The following FLVCR1 variants were observed in gnomAD, a reference collection of about 807,000 sequenced individuals.
The protein encoded by FLVCR1 is choline/ethanolamine transporter FLVCR1.
A neutral mutation model predicts 53.6 loss-of-function variants in FLVCR1; 34 were observed. That is an observed-to-expected ratio of 0.63 (90% CI 0.48 to 0.84). The LOEUF is 0.84. Among genes scored for constraint, FLVCR1 ranks in the 40% least tolerant of loss-of-function variants. The pLI is 0.00. For synonymous variants in FLVCR1, 300 were observed against 286.3 expected (o/e 1.05, Z -0.48); for missense variants, 677 against 696.7 (o/e 0.97, Z 0.32).
rs1359452466 is a variant in FLVCR1, at chr1:212,895,540, GTC to G, written c.*253_*254del. 4 of 488,066 alleles carry G rather than the reference GTC, an allele frequency of 8.2e-6. No individual in the cohort carries two copies. The highest frequency in any genetic ancestry group is 1.9e-5 in the African/African-American group (1 of 51,502). 30.2% of individuals were successfully genotyped at this position (488,066 alleles called of 1,614,324 possible). A position where few individuals can be genotyped will look rare whatever the true frequency, so the allele number is the denominator to read the frequency against. On this transcript the variant is annotated 3_prime_UTR_variant, in exon 10 of 10. Coordinates refer to ENST00000366971, the MANE Select transcript of FLVCR1 (RefSeq NM_014053.4). ...TTATCTAATTAGTATCCGGTTTTTA[GTC>G]TCATATTGTATCTGAAAGTAAGCTT...
At chr1:212,884,097 C>G (rs1198436942) in intron 4 of FLVCR1, among the ~76,000 whole-genome samples, 1 of 151,976 alleles carries the variant, frequency 6.6e-6, no homozygotes, top group Non-Finnish European at 1.5e-5. Flanking sequence ...CACCTGAGGT[C>G]GAGACCAGCC....
Position 212,879,972 on chromosome 1 carries a change from G to A in FLVCR1, c.1025-3399G>A, listed in dbSNP as rs551913654. 8.2e-3 allele frequency among the ~76,000 whole-genome samples: 649 copies of A among 79,616 alleles called. 9 individuals are homozygous for A. Among genetic ancestry groups the A allele is most frequent in the African/African-American group, 0.02 (631 of 31,070 alleles). 52.2% of individuals were successfully genotyped at this position (79,616 alleles called of 152,430 possible). On this transcript the variant is annotated intron_variant, in intron 3 of 9. Coordinates refer to ENST00000366971, the MANE Select transcript of FLVCR1 (RefSeq NM_014053.4). ...CCATACTCTAGGTTCAGATAACATAGTATTTTTTTTTTTTGGCTGTTATAA... is the reference window on the plus strand; with the variant it reads ...CCATACTCTAGGTTCAGATAACATAATATTTTTTTTTTTTGGCTGTTATAA...
intron 3 of FLVCR1, among the ~76,000 whole-genome samples, chr1:212,879,201 T>C (rs1183997106): frequency 1.3e-5 from 2 of 152,204 alleles, no homozygotes; most frequent in Non-Finnish European, 2.9e-5. Context: ...TTAAAGAGTT[T>C]ATTTGTTGAA....
chr1:212,876,997 T>C (rs1664770363), intron 3 of FLVCR1, among the ~76,000 whole-genome samples: 1 of 152,186 alleles, frequency 6.6e-6, no homozygotes, highest in South Asian at 2.1e-4. Context: ...TGCCAGCATC[T>C]GTTGTTTCTT....
rs1665030457 is a variant in FLVCR1, at chr1:212,885,320, G to A, written c.1120G>A (p.Gly374Arg). 2 of 1,613,850 alleles carry A rather than the reference G, an allele frequency of 1.2e-6. No homozygotes were observed. Among genetic ancestry groups the A allele is most frequent in the Admixed American group, 1.7e-5 (1 of 59,978 alleles). ...EGEEVNAGRIGLTLVVAGMVG... is the reference protein window; with the variant it reads ...EGEEVNAGRIRLTLVVAGMVG... ...AGAAGAAGTCAATGCTGGAAGGATTGGGCTAACGCTAGTAGTAGCTGGAAT... is the reference window on the plus strand; with the variant it reads ...AGAAGAAGTCAATGCTGGAAGGATTAGGCTAACGCTAGTAGTAGCTGGAAT... The change falls in exon 5 of 10, where the codon GGG (glycine) becomes AGG (arginine). Residue 374 changes from glycine to arginine, a missense_variant. Physicochemically the swap from Gly to Arg is moderately radical, Grantham distance 125 (BLOSUM62 -2). Coordinates refer to ENST00000366971, the MANE Select transcript of FLVCR1 (RefSeq NM_014053.4).
At chr1:212,878,664 A>G (rs1381807963) in intron 3 of FLVCR1, among the ~76,000 whole-genome samples, 2 of 152,166 alleles carry the variant, frequency 1.3e-5, no homozygotes, top group African/African-American at 2.4e-5. Flanking sequence ...ATATATAGGT[A>G]TTGTATTCCT....
At chr1:212,866,977 A>G (rs1664454159) in intron 2 of FLVCR1, among the ~76,000 whole-genome samples, 1 of 152,238 alleles carries the variant, frequency 6.6e-6, no homozygotes, top group Admixed American at 6.5e-5. Flanking sequence ...CAAACTTTGG[A>G]TTACTTAAAA....
At chr1:212,875,865 A>G (rs988256841) in intron 3 of FLVCR1, among the ~76,000 whole-genome samples, 2 of 150,262 alleles carry the variant, frequency 1.3e-5, no homozygotes, top group African/African-American at 4.9e-5. Context: ...AAAAAACTTG[A>G]CTATACATAA....
Position 212,888,005 on chromosome 1 carries a change from A to C in FLVCR1, c.1307+4A>C, listed in dbSNP as rs1572026843. On this transcript the variant is annotated splice_donor_region_variant and intron_variant, in intron 6 of 9. Coordinates refer to ENST00000366971, the MANE Select transcript of FLVCR1 (RefSeq NM_014053.4). ...TTGTTACTGGAGGGGTGCTTGGGTAAGTATCAGATGTGTTTAGGAGGAATG... is the reference window on the plus strand; with the variant it reads ...TTGTTACTGGAGGGGTGCTTGGGTACGTATCAGATGTGTTTAGGAGGAATG... 11 of 1,470,064 alleles carry C rather than the reference A, an allele frequency of 7.5e-6. No individual in the cohort carries two copies. Among genetic ancestry groups the C allele is most frequent in the Non-Finnish European group, 1.0e-5 (11 of 1,048,876 alleles). 91.1% of individuals were successfully genotyped at this position (1,470,064 alleles called of 1,614,324 possible).
In FLVCR1 at chr1:212,859,152, G is replaced by C; in HGVS notation, c.700G>C (p.Val234Leu). 1.2e-6 allele frequency: 2 copies of C among 1,614,012 alleles called. No individual in the cohort carries two copies. The highest frequency in any genetic ancestry group is 1.7e-6 in the Non-Finnish European group (2 of 1,180,022). ...IASVWFGPKEVSTACATAVLG... is the reference protein window; with the variant it reads ...IASVWFGPKELSTACATAVLG... ...CTCAGTGTGGTTTGGGCCCAAAGAG[G>C]TGTCCACAGCTTGTGCCACCGCCGT... The change falls in exon 1 of 10, where the codon GTG (valine) becomes CTG (leucine). Residue 234 changes from valine to leucine, a missense_variant. Transcript: ENST00000366971.
chr1:212,881,301 CTT>C (rs35751115), intron 3 of FLVCR1, among the ~76,000 whole-genome samples: 1 of 119,680 alleles, frequency 8.4e-6, no homozygotes, highest in Non-Finnish European at 1.7e-5. Context: ...ATTTCTTTGT[CTT>C]TTTTTTTTTT....
chr1:212,874,916 TAC>T (rs57061343), intron 3 of FLVCR1, among the ~76,000 whole-genome samples: 62 of 149,354 alleles, frequency 4.2e-4, no homozygotes, highest in African/African-American at 7.1e-4. Context: ...GTCACAGACG[TAC>T]ACACACACAC....
Position 212,858,501 on chromosome 1 carries a change from C to G in FLVCR1, c.49C>G (p.Pro17Ala), listed in dbSNP as rs543847452. 1.9e-5 allele frequency: 27 copies of G among 1,447,380 alleles called. No homozygotes were observed. The South Asian group carries it at 3.9e-4, about 21-fold the overall frequency. 89.7% of individuals were successfully genotyped at this position (1,447,380 alleles called of 1,614,324 possible). A position where few individuals can be genotyped will look rare whatever the true frequency, so the allele number is the denominator to read the frequency against. ...GGGGGCGGCGGTGGCGCCCGGACAC[C>G]CGCTCGCGAAAGGATACCTCCCGTT... ...EEGAAVAPGHPLAKGYLPLPR... is the reference protein window; with the variant it reads ...EEGAAVAPGHALAKGYLPLPR... The change falls in exon 1 of 10, where the codon CCG (proline) becomes GCG (alanine). Residue 17 changes from proline (P) to alanine (A), a missense_variant. By Grantham distance (27) the Pro-to-Ala change is conservative. Coordinates refer to ENST00000366971, the MANE Select transcript of FLVCR1 (RefSeq NM_014053.4).
chr1:212,867,965 G>A (rs775324747), intron 2 of FLVCR1, among the ~76,000 whole-genome samples: 2 of 151,840 alleles, frequency 1.3e-5, no homozygotes, highest in African/African-American at 4.8e-5. Flanking sequence ...CACCGCGCCC[G>A]GCTAATTTTT....
Position 212,888,509 on chromosome 1 carries a change from TC to T in FLVCR1, c.1331del (p.Pro444LeufsTer60). 1.2e-6 allele frequency: 2 copies of T among 1,613,396 alleles called. No individual in the cohort carries two copies. Among genetic ancestry groups the T allele is most frequent in the Non-Finnish European group, 1.7e-6 (2 of 1,179,422 alleles). The stretch of plus-strand genomic sequence containing the variant: ...CCTAGCTTCTTCATGACTGGTTACC[TC>T]CCTTTGGGTTTTGAATTTGCTGTTG... ...GVLGFFMTGYLPLGFEFAVEI... is the reference protein window; with the variant it reads ...GVLGFFMTGYXPLGFEFAVEI... On this transcript the variant is annotated frameshift_variant, in exon 7 of 10. Transcript: ENST00000366971. LOFTEE classifies it high-confidence loss of function.
chr1:212,889,926 T>C (rs1249496654), intron 8 of FLVCR1, among the ~76,000 whole-genome samples: 1 of 152,200 alleles, frequency 6.6e-6, no homozygotes, highest in Admixed American at 6.5e-5. Flanking sequence ...ATAGGGTTAC[T>C]GTGAGGATTA....
intron 2 of FLVCR1, among the ~76,000 whole-genome samples, chr1:212,872,443 A>G (rs900309933): frequency 5.3e-5 from 8 of 152,232 alleles, no homozygotes; most frequent in African/African-American, 1.7e-4. Flanking sequence ...TGAATTGGCC[A>G]TATCTCTGAG....
At chr1:212,885,001 C>T (rs374428354) in intron 4 of FLVCR1, among the ~76,000 whole-genome samples, 42 of 152,336 alleles carry the variant, frequency 2.8e-4, no homozygotes, top group African/African-American at 9.6e-4. Context: ...ACTATCTATA[C>T]TTAAGAATCC....
intron 3 of FLVCR1, among the ~76,000 whole-genome samples, chr1:212,882,487 G>C (rs1447890124): frequency 1.3e-5 from 2 of 152,120 alleles, no homozygotes; most frequent in African/African-American, 4.8e-5. Flanking sequence ...GCTCAAGCTA[G>C]GGCTTGACTT....
Sources: allele counts gnomAD v4.1 joint callset (sites outside exome capture counted in the v4.1 genomes callset), GRCh38; gene constraint gnomAD v4.1.1; transcripts MANE v1.5; gene names NCBI Gene and HGNC (gene_info 2026-07-23, HGNC 2026-07-21).